VWA5A: variants seen among roughly 807,000 people sequenced by gnomAD.
VWA5A encodes the protein von Willebrand factor A domain containing 5A.
Under a neutral mutation model 84.6 loss-of-function variants are expected in VWA5A, and 77 were observed. The observed-to-expected ratio is 0.91, with a 90% CI of 0.76 to 1.10. VWA5A has a LOEUF of 1.10. Ranked by LOEUF, VWA5A falls within the 50% of genes least tolerant of loss-of-function variation. The probability of loss-of-function intolerance (pLI) is 0.00; values close to 1 mark genes in which losing one functional copy is unlikely to be tolerated. For synonymous variants in VWA5A, 334 were observed against 350.1 expected, an observed-to-expected ratio of 0.95 and a Z score of 0.51; for missense variants, 973 against 963.0, an observed-to-expected ratio of 1.01 and a Z score of -0.14.
Position 124,145,947 on chromosome 11 carries a change from G to A in VWA5A, c.*2G>A. 1.3e-6 allele frequency: 2 copies of A among 1,582,296 alleles called. No individual in the cohort carries two copies. Among genetic ancestry groups the A allele is most frequent in the Non-Finnish European group, 1.7e-6 (2 of 1,160,002 alleles). On this transcript the variant is annotated 3_prime_UTR_variant, in exon 19 of 19. Coordinates refer to ENST00000456829, the MANE Select transcript of VWA5A (RefSeq NM_001130142.2). ...GATCCTGCTATCTTTGCCTTTTGAAGATACCATCCAGAAAAAGAAGTGCCT... is the reference window on the plus strand; with the variant it reads ...GATCCTGCTATCTTTGCCTTTTGAAAATACCATCCAGAAAAAGAAGTGCCT...
chr11:124,129,464 G>A (rs1865065959), intron 11 of VWA5A, among the ~76,000 whole-genome samples: 1 of 152,150 alleles, frequency 6.6e-6, no homozygotes, highest in Non-Finnish European at 1.5e-5. Flanking sequence ...TCTCAGCCAG[G>A]TTTTGGTATT....
At position 124,137,008 on chromosome 11, in the gene VWA5A, C is replaced by G; in HGVS notation, c.1626-7C>G. ...ACATTTCAGTACTTTTTTTTTTTTC[C>G]TTTCAGCCTCACCATTCACCGCCTT... On this transcript the variant is annotated splice_polypyrimidine_tract_variant and splice_region_variant and intron_variant, in intron 14 of 18. Coordinates refer to ENST00000456829, the MANE Select transcript of VWA5A (RefSeq NM_001130142.2). The G allele has an allele frequency of 6.3e-7, 1 of 1,580,382 alleles. No homozygotes were observed. The highest frequency in any genetic ancestry group is 8.6e-7 in the Non-Finnish European group (1 of 1,169,040).
intron 4 of VWA5A, 150 bp from the exon 5 acceptor site, chr11:124,118,039 T>G: frequency 7.8e-7 from 1 of 1,289,344 alleles, no homozygotes; most frequent in Non-Finnish European, 1.1e-6. Context: ...CTAAAATCAT[T>G]TGGGGAAAGA....
chr11:124,137,325 G>A (rs1355008416), intron 15 of VWA5A, 57 bp downstream of exon 15: 5 of 1,568,218 alleles, frequency 3.2e-6, no homozygotes, highest in Non-Finnish European at 2.6e-6. Flanking sequence ...GACTATCTGA[G>A]CACATTATTT....
At chr11:124,145,760 T>C (rs1216896068) in intron 18 of VWA5A, 106 bp from the exon 19 acceptor site, 3 of 1,132,340 alleles carry the variant, frequency 2.6e-6, no homozygotes, top group Admixed American at 5.6e-5. Flanking sequence ...AAAGCAGGGA[T>C]ATTGAGGACA....
Position 124,123,397 on chromosome 11 carries a change from C to T in VWA5A, c.962C>T (p.Pro321Leu), listed in dbSNP as rs1297894219. Residue 321 changes from proline to leucine, a missense_variant, in exon 9 of 19, where the codon CCT becomes CTT. Physicochemically the swap from Pro to Leu is moderately conservative, Grantham distance 98. Coordinates refer to ENST00000456829, the MANE Select transcript of VWA5A (RefSeq NM_001130142.2). ...ETLILLLKSL[P>L]IGCYFNIYGF... Reference sequence around the variant, plus strand: ...CTGATTTTGCTGCTGAAGAGTTTACCTATAGGCTGTTATTTCAACATCTAT... The same window carrying T: ...CTGATTTTGCTGCTGAAGAGTTTACTTATAGGCTGTTATTTCAACATCTAT... The T allele has an allele frequency of 6.2e-7, 1 of 1,614,006 alleles. No individual in the cohort carries two copies. Among genetic ancestry groups the T allele is most frequent in the East Asian group, 2.2e-5 (1 of 44,868 alleles).
intron 4 of VWA5A, 151 bp from the exon 5 acceptor site, chr11:124,118,038 T>C: frequency 7.7e-7 from 1 of 1,290,890 alleles, no homozygotes; most frequent in South Asian, 1.5e-5. Flanking sequence ...TCTAAAATCA[T>C]TTGGGGAAAG....
Position 124,137,007 on chromosome 11 carries a change from C to CTTT in VWA5A, c.1626-8_1626-7insTTT. On this transcript the variant is annotated splice_region_variant and splice_polypyrimidine_tract_variant and intron_variant, in intron 14 of 18. Coordinates refer to ENST00000456829, the MANE Select transcript of VWA5A (RefSeq NM_001130142.2). ...TACATTTCAGTACTTTTTTTTTTTT[C>CTTT]CTTTCAGCCTCACCATTCACCGCCT... is the stretch of plus-strand genomic sequence containing the variant. 6.3e-7 allele frequency: 1 copy of CTTT among 1,575,480 alleles called. No individual in the cohort carries two copies. The highest frequency in any genetic ancestry group is 1.2e-5 in the South Asian group (1 of 85,348).
rs761211976 is a variant in VWA5A at position 124,117,819 on chromosome 11, T to C, written c.190T>C (p.Phe64Leu). Residue 64 changes from phenylalanine to leucine, a missense_variant, in exon 4 of 19, where the codon TTT becomes CTT. By Grantham distance (22) the Phe-to-Leu change is conservative. Transcript: ENST00000456829. ...GGATGAAGACTCTGCTGTTTACAGC[T>C]TTGAGGCCTTGGTGGATGGGAAGAA... ...PMDEDSAVYS[F>L]EALVDGKKIV... 4 of 1,614,186 alleles carry C rather than the reference T, an allele frequency of 2.5e-6. No individual in the cohort carries two copies. Among genetic ancestry groups the C allele is most frequent in the Non-Finnish European group, 3.4e-6 (4 of 1,180,036 alleles).
rs769742170 is a variant in VWA5A, at chr11:124,123,818, C to T, written c.1164+14C>T. On this transcript the variant is annotated intron_variant, in intron 10 of 18. Transcript: ENST00000456829. ...CACCCCCTACAGGTAAGAAGTGGAA[C>T]AGAGCTAACAGAAGAGACAGGAAGT... 4 of 1,541,294 alleles carry T rather than the reference C, an allele frequency of 2.6e-6. No individual in the cohort carries two copies. Among genetic ancestry groups the T allele is most frequent in the African/African-American group, 2.8e-5 (2 of 72,030 alleles).
In VWA5A at chr11:124,141,509, T is replaced by TG. The variant is rs946691410; in HGVS notation, c.1880-82dup. On this transcript the variant is annotated intron_variant, in intron 15 of 18. Coordinates refer to ENST00000456829, the MANE Select transcript of VWA5A (RefSeq NM_001130142.2). ...GGGTGGTGACTGAAGCCAGTGTGGA[T>TG]GGGGGGGTATGTATCTTGAATTGTC... 6.0e-5 allele frequency: 91 copies of TG among 1,515,936 alleles called. No individual in the cohort carries two copies. In the East Asian group the frequency reaches 7.5e-4, roughly 12 times the overall value. 93.9% of individuals were successfully genotyped at this position (1,515,936 alleles called of 1,614,324 possible).
intron 1 of VWA5A, chr11:124,116,121 C>G (rs1864825357): frequency 6.6e-6 from 1 of 152,326 alleles, no homozygotes; most frequent in Admixed American, 6.5e-5. Flanking sequence ...AGCTGCTGAG[C>G]GGCTGGTGCT....
At chr11:124,135,691 C>T (rs950367559) in intron 12 of VWA5A, among the ~76,000 whole-genome samples, 16 of 149,610 alleles carry the variant, frequency 1.1e-4, no homozygotes, top group Admixed American at 6.6e-4. Context: ...CCACTACGCC[C>T]GGCTAATTTT....
intron 7 of VWA5A, 46 bp downstream of exon 7, chr11:124,119,135 C>A (rs1250428017): frequency 3.3e-6 from 5 of 1,531,050 alleles, no homozygotes; most frequent in Non-Finnish European, 4.5e-6. Context: ...GGGCAACTCC[C>A]TGTCTTGGAA....
In VWA5A at chr11:124,136,593, A is replaced by T; in HGVS notation, c.1544A>T (p.Glu515Val). The change falls in exon 14 of 19, where the codon GAA (glutamate) becomes GTA (valine). Residue 515 changes from glutamate (E) to valine (V), a missense_variant. Transcript: ENST00000456829. ...TTGCAGGCAGCAGAGACAACAGGAG[A>T]AGTATGCCTCAAATATACACTCCAG... is the stretch of plus-strand genomic sequence containing the variant. The part of the protein sequence containing the change: ...GRMPAAETTG[E>V]VCLKYTLQGK... 1 of 1,614,086 alleles carries T rather than the reference A, an allele frequency of 6.2e-7. No homozygotes were observed.
chr11:124,145,213 T>A, intron 17 of VWA5A, 24 bp from the exon 18 acceptor site: 1 of 1,594,978 alleles, frequency 6.3e-7, no homozygotes, highest in Non-Finnish European at 8.5e-7. Flanking sequence ...CTGTGCCAAC[T>A]GGAGCTCTCT....
At chr11:124,141,489 G>A in intron 15 of VWA5A, 109 bp from the exon 16 acceptor site, 1 of 1,396,698 alleles carries the variant, frequency 7.2e-7, no homozygotes, top group Non-Finnish European at 9.8e-7. Context: ...AGTAAGGGTG[G>A]TGACTGAAGC....
intron 17 of VWA5A, among the ~76,000 whole-genome samples, chr11:124,143,972 C>T (rs1360638784): frequency 1.3e-5 from 2 of 151,722 alleles, no homozygotes; most frequent in African/African-American, 2.4e-5. Context: ...AAACCTATGG[C>T]GCTGAATGAT....
At position 124,147,001 on chromosome 11, in the gene VWA5A, A is replaced by G. The variant is rs572538734; in HGVS notation, c.*1056A>G. 1 of 166,838 alleles carries G rather than the reference A, an allele frequency of 6.0e-6. No homozygotes were observed. Among genetic ancestry groups the G allele is most frequent in the South Asian group, 2.1e-4 (1 of 4,822 alleles). 10.3% of individuals were successfully genotyped at this position (166,838 alleles called of 1,614,324 possible). A position where few individuals can be genotyped will look rare whatever the true frequency, so the allele number is the denominator to read the frequency against. On this transcript the variant is annotated 3_prime_UTR_variant, in exon 19 of 19. Coordinates refer to ENST00000456829, the MANE Select transcript of VWA5A (RefSeq NM_001130142.2). The stretch of plus-strand genomic sequence containing the variant: ...GAAGCCAAACTAGGATAGTAAATTG[A>G]CCGGAACACAGTTGTGGAAATTTGA...
Sources: allele counts gnomAD v4.1 joint callset (sites outside exome capture counted in the v4.1 genomes callset), GRCh38; gene constraint gnomAD v4.1.1; transcripts MANE v1.5; gene names NCBI Gene and HGNC (gene_info 2026-07-23, HGNC 2026-07-21).